The following SH3D19 variants were observed in gnomAD, a reference collection of about 807,000 sequenced individuals.
The protein encoded by SH3D19 is SH3 domain containing 19.
SH3D19 carries 58 observed loss-of-function variants against 112.1 expected under a neutral mutation model. The ratio of observed to expected loss-of-function variants is 0.52; its 90% CI spans 0.42 to 0.64. The LOEUF (loss-of-function observed/expected upper bound fraction) is 0.64, where lower values mean the gene tolerates loss of function less well. SH3D19 is among the 30% of genes least tolerant of loss of function. The pLI, the probability that SH3D19 is intolerant of heterozygous loss-of-function variation, is 0.00. For missense variants in SH3D19, 1,090 were observed against 1,263.4 expected, an observed-to-expected ratio of 0.86 and a Z score of 2.08; for synonymous variants, 391 against 448.5, an observed-to-expected ratio of 0.87 and a Z score of 1.62.
chr4:151,294,229 C>T (rs933202664), intron 1 of SH3D19, among the ~76,000 whole-genome samples: 1 of 152,204 alleles, frequency 6.6e-6, no homozygotes, highest in Admixed American at 6.5e-5. Flanking sequence ...GTCTCCCTAA[C>T]TGTACTGTGA....
intron 1 of SH3D19, chr4:151,291,051 C>A: frequency 1.6e-6 from 2 of 1,242,578 alleles, no homozygotes; most frequent in Non-Finnish European, 2.2e-6. Flanking sequence ...AATTCTCCAC[C>A]CCTTATTACT....
intron 7 of SH3D19, among the ~76,000 whole-genome samples, chr4:151,167,688 G>T (rs901635773): frequency 5.9e-5 from 9 of 152,100 alleles, no homozygotes; most frequent in African/African-American, 4.8e-5. Flanking sequence ...CTGCCCGACC[G>T]CCGCCCCATC....
chr4:151,175,003 C>G lies in SH3D19; in HGVS notation c.1201G>C (p.Gly401Arg). 2.5e-6 allele frequency: 4 copies of G among 1,614,190 alleles called. No individual in the cohort carries two copies. The highest frequency in any genetic ancestry group is 3.4e-6 in the Non-Finnish European group (4 of 1,180,030). The change falls in exon 7 of 20, where the codon GGA becomes CGA. Residue 401 changes from glycine (G) to arginine (R), a missense_variant. By Grantham distance (125) the Gly-to-Arg change is moderately radical. Transcript: ENST00000604030. ...GAGCTCTCAGCCAGGGGCCCTCTTC[C>G]CGGAATCTCAGGATTAACACTTCGT... ...LIRSVNPEIP[G>R]RGPLAESSDS...
chr4:151,267,241 G>T (rs1772868729), intron 1 of SH3D19, among the ~76,000 whole-genome samples: 1 of 152,022 alleles, frequency 6.6e-6, no homozygotes, highest in Non-Finnish European at 1.5e-5. Flanking sequence ...AGGCTGAGGT[G>T]GGAGGATTGA....
chr4:151,309,702 G>A (rs1223549017), intron 1 of SH3D19, among the ~76,000 whole-genome samples: 1 of 152,144 alleles, frequency 6.6e-6, no homozygotes, highest in Non-Finnish European at 1.5e-5. Context: ...CAAAAAGTCA[G>A]CCAGAGGCTG....
At chr4:151,209,832 G>A (rs1347304658) in intron 2 of SH3D19, among the ~76,000 whole-genome samples, 1 of 152,178 alleles carries the variant, frequency 6.6e-6, no homozygotes, top group Non-Finnish European at 1.5e-5. Context: ...GATTTCCAGA[G>A]GCTGTGGATT....
At chr4:151,304,119 T>C (rs1728716784) in intron 1 of SH3D19, among the ~76,000 whole-genome samples, 1 of 152,138 alleles carries the variant, frequency 6.6e-6, no homozygotes, top group South Asian at 2.1e-4. Context: ...AACCCAGCTC[T>C]GATTATCTTA....
At position 151,310,210 on chromosome 4, in the gene SH3D19, C is replaced by CAAAA. The variant is rs1207145608; in HGVS notation, c.112+15027_112+15030dup. ...TTAACACAGCGAAACTCTGTCTTTA[C>CAAAA]AAAAAAAAAAAAAAAAAAAAATTAC... On this transcript the variant is annotated intron_variant, in intron 1 of 19. Transcript: ENST00000604030. 6.8e-4 allele frequency among the ~76,000 whole-genome samples: 68 copies of CAAAA among 100,310 alleles called. 1 individual carries two copies. Among genetic ancestry groups the CAAAA allele is most frequent in the African/African-American group, 2.0e-3 (63 of 30,876 alleles). 65.8% of individuals were successfully genotyped at this position (100,310 alleles called of 152,430 possible).
At chr4:151,201,805 G>C (rs1039214454) in intron 2 of SH3D19, among the ~76,000 whole-genome samples, 1 of 151,800 alleles carries the variant, frequency 6.6e-6, no homozygotes, top group African/African-American at 2.4e-5. Context: ...GAGGTCAGGA[G>C]TTCGAGACCA....
chr4:151,268,175 TTACTG>T (rs1772954362), intron 1 of SH3D19, among the ~76,000 whole-genome samples: 1 of 152,224 alleles, frequency 6.6e-6, no homozygotes, highest in African/African-American at 2.4e-5. Flanking sequence ...GTGCAGCAAG[TTACTG>T]TACTGAACAC....
intron 19 of SH3D19, among the ~76,000 whole-genome samples, chr4:151,126,978 C>T (rs1366088007): frequency 5.3e-5 from 8 of 150,696 alleles, no homozygotes; most frequent in African/African-American, 9.8e-5. Flanking sequence ...GGTGCAATCT[C>T]GGCTCACTGC....
At chr4:151,220,304 T>C (rs1311222931) in intron 2 of SH3D19, among the ~76,000 whole-genome samples, 3 of 152,234 alleles carry the variant, frequency 2.0e-5, no homozygotes, top group Non-Finnish European at 4.4e-5. Context: ...TCATTTAATT[T>C]TATGAATGGA....
At chr4:151,226,693 G>T in intron 1 of SH3D19, 1 of 155,324 alleles carries the variant, frequency 6.4e-6, no homozygotes. Context: ...GTAGAAAGCA[G>T]GAATGTTGCT....
intron 1 of SH3D19, among the ~76,000 whole-genome samples, chr4:151,271,980 G>A (rs1020300092): frequency 2.6e-5 from 4 of 152,072 alleles, no homozygotes; most frequent in South Asian, 2.1e-4. Flanking sequence ...CTGAAGACAC[G>A]GCACGATGAG....
At chr4:151,255,571 C>T (rs1224596575) in intron 1 of SH3D19, among the ~76,000 whole-genome samples, 1 of 140,210 alleles carries the variant, frequency 7.1e-6, no homozygotes, top group African/African-American at 2.5e-5. Flanking sequence ...GGGCTCCTCA[C>T]ATCCCAGACG....
At chr4:151,319,251 T>C (rs554267572) in intron 1 of SH3D19, among the ~76,000 whole-genome samples, 3 of 152,204 alleles carry the variant, frequency 2.0e-5, no homozygotes, top group Middle Eastern at 3.2e-3. Flanking sequence ...GGTATCATCA[T>C]GTTGGCCAGG....
chr4:151,202,753 C>T (rs75514623), intron 2 of SH3D19, among the ~76,000 whole-genome samples: 1,574 of 152,238 alleles, frequency 0.01, 24 homozygotes, highest in African/African-American at 0.036. Flanking sequence ...CTTTAGTAAT[C>T]CCACTACCTT....
chr4:151,144,137 G>A, intron 11 of SH3D19, 87 bp from the exon 12 acceptor site: 1 of 1,587,232 alleles, frequency 6.3e-7, no homozygotes, highest in Non-Finnish European at 8.6e-7. Context: ...GGAGCCTAAA[G>A]CATTTAATAA....
intron 4 of SH3D19, among the ~76,000 whole-genome samples, chr4:151,177,807 G>A (rs974867132): frequency 2.6e-5 from 4 of 152,080 alleles, no homozygotes; most frequent in Non-Finnish European, 5.9e-5. Flanking sequence ...TGTGTCTCTG[G>A]GTTCGTGATC....
Sources: allele counts gnomAD v4.1 joint callset (sites outside exome capture counted in the v4.1 genomes callset), GRCh38; gene constraint gnomAD v4.1.1; transcripts MANE v1.5; gene names NCBI Gene and HGNC (gene_info 2026-07-23, HGNC 2026-07-21).